The following LRCH2 variants were observed in gnomAD, a reference collection of about 807,000 sequenced individuals.
The protein encoded by LRCH2 is leucine-rich repeat and calponin homology domain-containing protein 2.
In LRCH2, 38 loss-of-function variants were observed where a neutral mutation model predicts 68.9. The observed-to-expected ratio is 0.55, with a 90% CI of 0.43 to 0.72. LRCH2 has a LOEUF of 0.72. LRCH2 is among the 30% of genes least tolerant of loss of function. LRCH2 has a pLI of 0.00. For missense variants in LRCH2, 528 were observed against 572.9 expected (o/e 0.92, Z 0.80); for synonymous variants, 191 against 208.1 (o/e 0.92, Z 0.71).
Position 115,131,108 on chromosome X carries a change from G to A in LRCH2, c.1696-909C>T, listed in dbSNP as rs1191822260. Among the ~76,000 whole-genome samples the A allele has an allele frequency of 1.4e-4, 15 of 110,132 alleles. 1 individual carries two copies. Among genetic ancestry groups the A allele is most frequent in the Admixed American group, 1.3e-3 (13 of 10,294 alleles). On this transcript the variant is annotated intron_variant, in intron 14 of 20. Transcript: ENST00000317135. ...TTTACATTTGTATATAGTTATATTT[G>A]TGGTCAATTTTTTTTATTATATTTT...
At chrX:115,186,813 C>CTTTTT (rs35505436) in intron 2 of LRCH2, among the ~76,000 whole-genome samples, 3 of 54,314 alleles carry the variant, frequency 5.5e-5, no homozygotes, top group Admixed American at 5.6e-4. Context: ...TTCCCTCACA[C>CTTTTT]TTTTTTTTTT....
At position 115,190,324 on chromosome X, in the gene LRCH2, C is replaced by G. The variant is rs188693280; in HGVS notation, c.350-1954G>C. 75 of 1,156,519 alleles carry G rather than the reference C, an allele frequency of 6.5e-5. No individual in the cohort carries two copies. Among genetic ancestry groups the G allele is most frequent in the Non-Finnish European group, 8.5e-5 (74 of 867,548 alleles). On this transcript the variant is annotated intron_variant, in intron 1 of 20. Transcript: ENST00000317135. Reference sequence around the variant, plus strand: ...TCGCGACCATGAGTACACAGATCATCCCAGCAAAGGCTCCTACCGAGAGCC... The same window carrying G: ...TCGCGACCATGAGTACACAGATCATGCCAGCAAAGGCTCCTACCGAGAGCC...
At chrX:115,189,477 T>C (rs782819801) in intron 1 of LRCH2, 101 of 1,177,995 alleles carry the variant, frequency 8.6e-5, no homozygotes, top group Non-Finnish European at 1.1e-4. Context: ...AGCTTTTCAT[T>C]GGGGGCCTCA....
intron 6 of LRCH2, 149 bp downstream of exon 6, chrX:115,170,150 T>C (rs1168595862): frequency 2.3e-6 from 1 of 442,782 alleles, no homozygotes; most frequent in African/African-American, 2.5e-5. Context: ...CTTCATTCTA[T>C]GATGGTGATA....
At chrX:115,224,321 C>T (rs1603105757) in intron 1 of LRCH2, among the ~76,000 whole-genome samples, 1 of 111,224 alleles carries the variant, frequency 9.0e-6, no homozygotes, top group Non-Finnish European at 1.9e-5. Flanking sequence ...GCACAGCTAA[C>T]AACCAATCAA....
chrX:115,205,374 T>C (rs1433069119), intron 1 of LRCH2, among the ~76,000 whole-genome samples: 1 of 112,174 alleles, frequency 8.9e-6, no homozygotes, highest in Non-Finnish European at 1.9e-5. Context: ...TGATGATGCA[T>C]ACATGACACA....
chrX:115,135,310 TG>T (rs1429737060), intron 14 of LRCH2, among the ~76,000 whole-genome samples: 1 of 107,949 alleles, frequency 9.3e-6, no homozygotes, highest in Non-Finnish European at 1.9e-5. Context: ...TTGTATTTTT[TG>T]TAGAGACGGG....
At chrX:115,215,375 A>G (rs1468594484) in intron 1 of LRCH2, among the ~76,000 whole-genome samples, 4 of 111,669 alleles carry the variant, frequency 3.6e-5, no homozygotes, top group Non-Finnish European at 7.5e-5. Context: ...CAGTTTCAAA[A>G]TGAAAACTAT....
At chrX:115,170,455 T>A in intron 5 of LRCH2, 23 bp from the exon 6 acceptor site, 1 of 1,036,587 alleles carries the variant, frequency 9.6e-7, no homozygotes, top group Non-Finnish European at 1.3e-6. Flanking sequence ...AATAAAGATT[T>A]AATTATATAG....
chrX:115,115,522 C>T (rs1407860973), intron 20 of LRCH2, among the ~76,000 whole-genome samples: 5 of 110,241 alleles, frequency 4.5e-5, no homozygotes, highest in African/African-American at 1.6e-4. Flanking sequence ...AATTTGGATC[C>T]GTACCTCATA....
rs1436550663 is a variant in LRCH2, at chrX:115,111,283, A to T, written c.*1933T>A. The T allele has an allele frequency of 9.0e-6, 1 of 111,055 alleles. No individual in the cohort carries two copies. Among genetic ancestry groups the T allele is most frequent in the African/African-American group, 3.3e-5 (1 of 30,568 alleles). The allele number at this position is 111,055 out of a possible 1,213,427, so 9.2% of individuals were successfully genotyped here. A position where few individuals can be genotyped will look rare whatever the true frequency, so the allele number is the denominator to read the frequency against. On this transcript the variant is annotated 3_prime_UTR_variant, in exon 21 of 21. Coordinates refer to ENST00000317135, the MANE Select transcript of LRCH2 (RefSeq NM_020871.4). ...GAATAATTAACTGAAAAGTAACTGA[A>T]ATGTTATAAGAAAATGGCCTACAAT...
chrX:115,233,573 T>C, intron 1 of LRCH2, 120 bp downstream of exon 1: 1 of 728,220 alleles, frequency 1.4e-6, no homozygotes, highest in Non-Finnish European at 1.9e-6. Flanking sequence ...CCGACTTTGT[T>C]AGTCTGGCGG....
Position 115,191,106 on chromosome X carries a change from C to T in LRCH2, c.350-2736G>A, listed in dbSNP as rs1251088725. 5.2e-6 allele frequency: 6 copies of T among 1,164,866 alleles called. No individual in the cohort carries two copies. The African/African-American group carries it at 5.4e-5, about 11-fold the overall frequency. ...ATGGAGGAGAAGGCCGCTATGAGTA[C>T]CGAGGCCGCTCGCATGACGCCCACA... On this transcript the variant is annotated intron_variant, in intron 1 of 20. Transcript: ENST00000317135.
At chrX:115,171,079 G>A (rs2072601321) in intron 5 of LRCH2, among the ~76,000 whole-genome samples, 1 of 111,506 alleles carries the variant, frequency 9.0e-6, no homozygotes, top group Non-Finnish European at 1.9e-5. Context: ...AATAGAAAAT[G>A]AGAGGTAAGA....
At chrX:115,121,424 GGTGGATCACTTGAGGTCA>G (rs2072141944) in intron 20 of LRCH2, among the ~76,000 whole-genome samples, 1 of 110,983 alleles carries the variant, frequency 9.0e-6, no homozygotes, top group Non-Finnish European at 1.9e-5. Flanking sequence ...GGCTGAGGCG[GGTGGATCACTTGAGGTCA>G]GGAGTTCAAG....
At chrX:115,200,655 A>G (rs1291346734) in intron 1 of LRCH2, among the ~76,000 whole-genome samples, 1 of 110,757 alleles carries the variant, frequency 9.0e-6, no homozygotes, top group Non-Finnish European at 1.9e-5. Flanking sequence ...AAAAATCCCA[A>G]TAAAGACAAG....
intron 3 of LRCH2, among the ~76,000 whole-genome samples, chrX:115,180,003 G>A (rs1217132764): frequency 9.1e-6 from 1 of 110,111 alleles, no homozygotes; most frequent in Admixed American, 9.8e-5. Flanking sequence ...ACAACCTCTC[G>A]AAAATCTCAA....
chrX:115,233,954 C>A lies in LRCH2; in HGVS notation c.88G>T (p.Gly30Trp). The change falls in exon 1 of 21, where the codon GGG becomes TGG. Residue 30 changes from glycine (G) to tryptophan (W), a missense_variant. Physicochemically the swap from Gly to Trp is radical, Grantham distance 184 (BLOSUM62 -2). Coordinates refer to ENST00000317135, the MANE Select transcript of LRCH2 (RefSeq NM_020871.4). Reference sequence around the variant, plus strand: ...CCCCCTCCAGCCCCGCCACCTCCCCCTCCAGCCGTGCCACAGCCACCGCTA... The same window carrying A: ...CCCCCTCCAGCCCCGCCACCTCCCCATCCAGCCGTGCCACAGCCACCGCTA... ...GSSGGCGTAGGGGGGAGGGGG... is the reference protein window; with the variant it reads ...GSSGGCGTAGWGGGGAGGGGG... The A allele has an allele frequency of 8.6e-7, 1 of 1,164,606 alleles. No homozygotes were observed. The highest frequency in any genetic ancestry group is 1.1e-6 in the Non-Finnish European group (1 of 871,488).
intron 5 of LRCH2, among the ~76,000 whole-genome samples, chrX:115,175,288 T>A (rs782530064): frequency 9.0e-6 from 1 of 111,165 alleles, no homozygotes; most frequent in East Asian, 2.9e-4. Context: ...AACAAGAATT[T>A]ATCGTCCCCA....
Sources: gnomAD v4.1 joint callset for allele counts (sites outside exome capture counted in the v4.1 genomes callset) on GRCh38, gnomAD v4.1.1 for gene constraint, MANE v1.5 for transcripts, NCBI Gene and HGNC (gene_info 2026-07-23, HGNC 2026-07-21) for gene names.